The following ADGRB3 variants were observed in gnomAD, a reference collection of about 807,000 sequenced individuals.
ADGRB3 encodes the protein brain-specific angiogenesis inhibitor 3.
ADGRB3 carries 37 observed loss-of-function variants against 193.4 expected under a neutral mutation model. That is an observed-to-expected ratio of 0.19 (90% CI 0.15 to 0.25). The LOEUF (loss-of-function observed/expected upper bound fraction) is 0.25, where lower values mean the gene tolerates loss of function less well. Ranked by LOEUF, ADGRB3 falls within the 10% of genes least tolerant of loss-of-function variation. The pLI, the probability that ADGRB3 is intolerant of heterozygous loss-of-function variation, is 1.00. For missense variants in ADGRB3, 1,637 were observed against 1,852.9 expected (o/e 0.88, Z 2.14); for synonymous variants, 690 against 644.2 (o/e 1.07, Z -1.08).
chr6:69,165,107 A>T (rs1561939499), intron 17 of ADGRB3, among the ~76,000 whole-genome samples: 1 of 152,006 alleles, frequency 6.6e-6, no homozygotes, highest in Non-Finnish European at 1.5e-5. Flanking sequence ...TTCTAAAGCT[A>T]AACCTGATCC....
At chr6:68,897,255 G>A (rs977740091) in intron 3 of ADGRB3, among the ~76,000 whole-genome samples, 25 of 151,864 alleles carry the variant, frequency 1.6e-4, no homozygotes, top group African/African-American at 6.0e-4. Flanking sequence ...AGCATTTTGG[G>A]AAGTCAAGGC....
rs1412190182 is a variant in ADGRB3, at chr6:69,031,215, C to T, written c.2107+12716C>T. ...CAGCACTTTGGGAGGCCGAGGCGGGCGGATCATGAGGTCAGGAGATCGAGA... is the reference window on the plus strand; with the variant it reads ...CAGCACTTTGGGAGGCCGAGGCGGGTGGATCATGAGGTCAGGAGATCGAGA... On this transcript the variant is annotated intron_variant, in intron 13 of 31. Coordinates refer to ENST00000370598, the MANE Select transcript of ADGRB3 (RefSeq NM_001704.3). Among the ~76,000 whole-genome samples, 6 of 150,708 alleles carry T rather than the reference C, an allele frequency of 4.0e-5. No individual in the cohort carries two copies. The South Asian group carries it at 6.3e-4, about 16-fold the overall frequency.
chr6:69,005,441 A>G (rs1481386319), intron 11 of ADGRB3, among the ~76,000 whole-genome samples: 1 of 152,076 alleles, frequency 6.6e-6, no homozygotes, highest in East Asian at 1.9e-4. Context: ...ATGGCAAAGC[A>G]ATGAGATTAG....
intron 29 of ADGRB3, among the ~76,000 whole-genome samples, chr6:69,364,343 G>A (rs1250114585): frequency 2.0e-5 from 3 of 152,108 alleles, no homozygotes; most frequent in South Asian, 2.1e-4. Context: ...AGTGCAGAGG[G>A]TGAGTGGGTG....
intron 3 of ADGRB3, among the ~76,000 whole-genome samples, chr6:68,858,270 C>A (rs1318828912): frequency 6.6e-6 from 1 of 151,984 alleles, no homozygotes; most frequent in Non-Finnish European, 1.5e-5. Flanking sequence ...TTTGGGAGGC[C>A]AAGGCGGGTG....
At chr6:69,350,728 ATTCTGG>A (rs1397699321) in intron 26 of ADGRB3, among the ~76,000 whole-genome samples, 5 of 152,124 alleles carry the variant, frequency 3.3e-5, no homozygotes, top group Non-Finnish European at 7.4e-5. Context: ...ATATTTTAAT[ATTCTGG>A]TTGAGAAAGC....
At chr6:68,850,618 A>G (rs1768378192) in intron 3 of ADGRB3, among the ~76,000 whole-genome samples, 1 of 151,976 alleles carries the variant, frequency 6.6e-6, no homozygotes, top group Admixed American at 6.6e-5. Context: ...ATTTGGGAAA[A>G]TAATATTATA....
At chr6:68,784,217 T>C (rs1766914027) in intron 3 of ADGRB3, among the ~76,000 whole-genome samples, 1 of 152,128 alleles carries the variant, frequency 6.6e-6, no homozygotes, top group Admixed American at 6.6e-5. Context: ...AAGAGAGCAG[T>C]AGAAAGGTGA....
intron 17 of ADGRB3, among the ~76,000 whole-genome samples, chr6:69,127,201 C>T (rs1773876975): frequency 6.6e-6 from 1 of 152,116 alleles, no homozygotes; most frequent in African/African-American, 2.4e-5. Context: ...GTTGCAGGAC[C>T]CCTTGATCCA....
At chr6:69,256,106 C>T (rs1022977905) in intron 20 of ADGRB3, among the ~76,000 whole-genome samples, 15 of 151,502 alleles carry the variant, frequency 9.9e-5, no homozygotes, top group Admixed American at 2.0e-4. Flanking sequence ...GTTACTGTAG[C>T]CTTGTAGTAT....
At chr6:68,695,432 A>G (rs1042947984) in intron 3 of ADGRB3, among the ~76,000 whole-genome samples, 4 of 151,996 alleles carry the variant, frequency 2.6e-5, no homozygotes, top group Non-Finnish European at 5.9e-5. Context: ...TAGCAGGGAG[A>G]AAAGAGGGGA....
At chr6:68,977,970 T>G (rs1168801261) in intron 10 of ADGRB3, among the ~76,000 whole-genome samples, 1 of 151,598 alleles carries the variant, frequency 6.6e-6, no homozygotes, top group South Asian at 2.1e-4. Context: ...TGTCTTATAC[T>G]CTATTGCTGG....
intron 3 of ADGRB3, among the ~76,000 whole-genome samples, chr6:68,925,516 C>T (rs1767155544): frequency 6.6e-6 from 1 of 151,994 alleles, no homozygotes; most frequent in Non-Finnish European, 1.5e-5. Flanking sequence ...CACCTGTCAG[C>T]AAATCATATT....
intron 3 of ADGRB3, among the ~76,000 whole-genome samples, chr6:68,744,732 T>C (rs1364442715): frequency 1.3e-5 from 2 of 152,054 alleles, no homozygotes; most frequent in Non-Finnish European, 2.9e-5. Flanking sequence ...CACCAGGGCC[T>C]GTTGGGGGAT....
chr6:69,367,832 C>A (rs1769609243), intron 29 of ADGRB3, among the ~76,000 whole-genome samples: 2 of 151,956 alleles, frequency 1.3e-5, no homozygotes, highest in African/African-American at 4.8e-5. Flanking sequence ...ATGATGAATT[C>A]ATGTCCTTTG....
chr6:68,718,139 T>C (rs1765516644), intron 3 of ADGRB3, among the ~76,000 whole-genome samples: 1 of 151,762 alleles, frequency 6.6e-6, no homozygotes, highest in Non-Finnish European at 1.5e-5. Context: ...GTTCAAACTC[T>C]TTACTTTCTC....
intron 17 of ADGRB3, among the ~76,000 whole-genome samples, chr6:69,118,726 T>A (rs1582474260): frequency 7.4e-6 from 1 of 134,448 alleles, no homozygotes; most frequent in Admixed American, 8.4e-5. Context: ...ACAAGAAACA[T>A]AAAAAGAAGC....
intron 3 of ADGRB3, among the ~76,000 whole-genome samples, chr6:68,761,247 A>G (rs1005374745): frequency 1.3e-5 from 2 of 152,208 alleles, no homozygotes; most frequent in Non-Finnish European, 2.9e-5. Context: ...GGGAGAAATA[A>G]TAGATAGTAT....
chr6:69,327,967 C>T, intron 22 of ADGRB3, 78 bp downstream of exon 22: 1 of 1,284,082 alleles, frequency 7.8e-7, no homozygotes, highest in Non-Finnish European at 1.1e-6. Flanking sequence ...CTGCTGATGG[C>T]TTGCAGTTTA....
Sources: allele counts gnomAD v4.1 joint callset (sites outside exome capture counted in the v4.1 genomes callset), GRCh38; gene constraint gnomAD v4.1.1; transcripts MANE v1.5; gene names NCBI Gene and HGNC (gene_info 2026-07-23, HGNC 2026-07-21).